SCN9A: variants seen among roughly 807,000 people sequenced by gnomAD.
SCN9A encodes sodium voltage-gated channel alpha subunit 9.
In SCN9A, 131 loss-of-function variants were observed where a neutral mutation model predicts 187.0. The observed-to-expected ratio is 0.70, with a 90% CI of 0.61 to 0.81. SCN9A has a LOEUF of 0.81. Among genes scored for constraint, SCN9A ranks in the 30% least tolerant of loss-of-function variants. The pLI is 0.00. For synonymous variants in SCN9A, 809 were observed against 808.6 expected (o/e 1.00, Z -0.01); for missense variants, 2,252 against 2,396.6 (o/e 0.94, Z 1.26).
intron 11 of SCN9A, 39 bp from the exon 12 acceptor site, chr2:166,284,863 C>G (rs1697668002): frequency 2.0e-6 from 3 of 1,532,700 alleles, no homozygotes; most frequent in Non-Finnish European, 2.6e-6. Flanking sequence ...GCTGAAGCAC[C>G]TACTGATAGA....
At chr2:166,230,719 C>A (rs1695046485) in intron 21 of SCN9A, among the ~76,000 whole-genome samples, 1 of 152,172 alleles carries the variant, frequency 6.6e-6, no homozygotes, top group Non-Finnish European at 1.5e-5. Context: ...TCTCTTGTAA[C>A]CATTGACCCT....
At chr2:166,281,937 G>A in intron 12 of SCN9A, 129 bp from the exon 13 acceptor site, 1 of 754,070 alleles carries the variant, frequency 1.3e-6, no homozygotes, top group Non-Finnish European at 2.0e-6. Context: ...TTCAAATTAT[G>A]GCTCTGCTAC....
intron 2 of SCN9A, among the ~76,000 whole-genome samples, chr2:166,309,655 C>T (rs1003802217): frequency 6.6e-6 from 1 of 150,888 alleles, no homozygotes; most frequent in Non-Finnish European, 1.5e-5. Context: ...GAATCAATAT[C>T]GTGAAAATGG....
At chr2:166,361,452 CA>C in intron 1 of SCN9A, among the ~76,000 whole-genome samples, 1 of 152,052 alleles carries the variant, frequency 6.6e-6, no homozygotes, top group East Asian at 1.9e-4. Flanking sequence ...ATATATGCCA[CA>C]CACAGCCATT....
chr2:166,271,897 A>G lies in SCN9A; in HGVS notation c.3351+502T>C, dbSNP rs941944767. Reference sequence around the variant, plus strand: ...AGAAGAGAGAGAGAGAGAGAGCGATACTTTGCGGATCATGGATACATCATG... The same window carrying G: ...AGAAGAGAGAGAGAGAGAGAGCGATGCTTTGCGGATCATGGATACATCATG... On this transcript the variant is annotated intron_variant, in intron 17 of 26. Coordinates refer to ENST00000642356, the MANE Select transcript of SCN9A (RefSeq NM_001365536.1). Among the ~76,000 whole-genome samples, 5 of 152,190 alleles carry G rather than the reference A, an allele frequency of 3.3e-5. No individual in the cohort carries two copies. In the South Asian group the frequency reaches 1.0e-3, roughly 32 times the overall value.
At chr2:166,374,489 AAT>A (rs1232636086) in intron 1 of SCN9A, among the ~76,000 whole-genome samples, 1 of 152,204 alleles carries the variant, frequency 6.6e-6, no homozygotes, top group Non-Finnish European at 1.5e-5. Context: ...ATTTTTAAAA[AAT>A]CTCACCATAA....
intron 12 of SCN9A, among the ~76,000 whole-genome samples, chr2:166,283,506 G>C (rs1697586860): frequency 6.6e-6 from 1 of 152,112 alleles, no homozygotes; most frequent in Non-Finnish European, 1.5e-5. Flanking sequence ...TAGTGAGTGG[G>C]CTAAAGAGAT....
At chr2:166,255,593 C>G (rs79043750) in intron 17 of SCN9A, among the ~76,000 whole-genome samples, 1,781 of 151,466 alleles carry the variant, frequency 0.012, 34 homozygotes, top group African/African-American at 0.041. Context: ...AAACACAGAA[C>G]TCAACAAAAA....
intron 6 of SCN9A, 49 bp downstream of exon 6, chr2:166,304,189 A>G: frequency 6.2e-7 from 1 of 1,608,314 alleles, no homozygotes. Context: ...CAACTCCCAA[A>G]TAGTTGGAGT....
At chr2:166,313,028 T>TTA (rs1699012111) in intron 1 of SCN9A, among the ~76,000 whole-genome samples, 4 of 75,190 alleles carry the variant, frequency 5.3e-5, no homozygotes, top group Non-Finnish European at 1.0e-4. Context: ...ATATAGTTAT[T>TTA]ATTTAATTTT....
rs774510851 is a variant in SCN9A at position 166,284,526 on chromosome 2, C to A, written c.1901G>T (p.Arg634Leu). ...CNGVVSLVDG[R>L]SALMLPNGQL... Reference sequence around the variant, plus strand: ...TCCATTGGGGAGCATGAGGGCTGAGCGTCCATCAACCAGGGAGACCACACC... The same window carrying A: ...TCCATTGGGGAGCATGAGGGCTGAGAGTCCATCAACCAGGGAGACCACACC... The change falls in exon 12 of 27, where the codon CGC (arginine) becomes CTC (leucine). Residue 634 changes from arginine to leucine, a missense_variant. Arg to Leu is a moderately radical substitution (Grantham distance 102). This residue lies in a region of SCN9A where 1,013 missense variants were observed against 997.4 expected (regional missense o/e 1.02). Coordinates refer to ENST00000642356, the MANE Select transcript of SCN9A (RefSeq NM_001365536.1). The A allele has an allele frequency of 2.5e-6, 4 of 1,614,058 alleles. No homozygotes were observed. The Admixed American group carries it at 5.0e-5, about 20-fold the overall frequency.
rs1008968308 is a variant in SCN9A at position 166,299,690 on chromosome 2, G to A, written c.901+3400C>T. 1.9e-4 allele frequency among the ~76,000 whole-genome samples: 28 copies of A among 150,852 alleles called. 3 individuals are homozygous for A. Among genetic ancestry groups the A allele is most frequent in the African/African-American group, 6.0e-4 (24 of 40,244 alleles). ...ATCAGGGATGTTCAGAGGTAGAGGT[G>A]TGTGTGTCCTTTCTTTTTGCTGATT... On this transcript the variant is annotated intron_variant, in intron 7 of 26. Transcript: ENST00000642356.
chr2:166,317,260 T>A lies in SCN9A; in HGVS notation c.-50-5454A>T, dbSNP rs186110761. Among the ~76,000 whole-genome samples, 215 of 152,044 alleles carry A rather than the reference T, an allele frequency of 1.4e-3. 1 individual carries two copies. Among genetic ancestry groups the A allele is most frequent in the African/African-American group, 5.1e-3 (210 of 41,572 alleles). On this transcript the variant is annotated intron_variant, in intron 1 of 26. Transcript: ENST00000642356. The stretch of plus-strand genomic sequence containing the variant: ...AAAAATCATTTAAAATTATTTGACC[T>A]AATTTTATATAGTCAATGAAATCAA...
At chr2:166,250,373 C>T (rs1695982129) in intron 18 of SCN9A, among the ~76,000 whole-genome samples, 1 of 152,134 alleles carries the variant, frequency 6.6e-6, no homozygotes, top group African/African-American at 2.4e-5. Context: ...AAGATAGGCA[C>T]TGTGCTAGTA....
chr2:166,252,827 ACT>A (rs1038259541), intron 17 of SCN9A, among the ~76,000 whole-genome samples: 1 of 151,792 alleles, frequency 6.6e-6, no homozygotes, highest in Non-Finnish European at 1.5e-5. Flanking sequence ...CTGTAGCAAA[ACT>A]CTGTCAAATT....
rs1700405612 is a variant in SCN9A at position 166,365,996 on chromosome 2, A to G, written c.-51+9701T>C. Among the ~76,000 whole-genome samples, 3 of 152,304 alleles carry G rather than the reference A, an allele frequency of 2.0e-5. No homozygotes were observed. In the South Asian group the frequency reaches 6.2e-4, roughly 32 times the overall value. On this transcript the variant is annotated intron_variant, in intron 1 of 26. Coordinates refer to ENST00000642356, the MANE Select transcript of SCN9A (RefSeq NM_001365536.1). The stretch of plus-strand genomic sequence containing the variant: ...AATTCCAGGAAGAGTATAAATGCTG[A>G]GAGGAGTGAGGTTGTGAGTTCTTGG...
At chr2:166,286,907 T>A (rs1050264870) in intron 10 of SCN9A, among the ~76,000 whole-genome samples, 1 of 152,164 alleles carries the variant, frequency 6.6e-6, no homozygotes, top group African/African-American at 2.4e-5. Flanking sequence ...TATGTTAAAG[T>A]TTTACAAGGT....
rs1004518714 is a variant in SCN9A at position 166,375,882 on chromosome 2, G to A, written c.-236C>T. 2.6e-5 allele frequency: 4 copies of A among 152,238 alleles called. No individual in the cohort carries two copies. Among genetic ancestry groups the A allele is most frequent in the African/African-American group, 9.6e-5 (4 of 41,460 alleles). The allele number at this position is 152,238 out of a possible 1,614,324, so 9.4% of individuals were successfully genotyped here. A position where few individuals can be genotyped will look rare whatever the true frequency, so the allele number is the denominator to read the frequency against. On this transcript the variant is annotated 5_prime_UTR_variant, in exon 1 of 27. Coordinates refer to ENST00000642356, the MANE Select transcript of SCN9A (RefSeq NM_001365536.1). ...CCCAGGCTAGCCCAGCCTCAGCCGA[G>A]CTGGCGGAATTGGAAAGCCGACAGC...
chr2:166,369,071 T>A (rs1437196619), intron 1 of SCN9A, among the ~76,000 whole-genome samples: 1 of 152,010 alleles, frequency 6.6e-6, no homozygotes. Flanking sequence ...TCTACTCATA[T>A]CTACTTATCA....
Sources: gnomAD v4.1 joint callset for allele counts (sites outside exome capture counted in the v4.1 genomes callset) on GRCh38, gnomAD v4.1.1 for gene constraint, gnomAD v4.1.1 regional missense constraint, MANE v1.5 for transcripts, NCBI Gene and HGNC (gene_info 2026-07-23, HGNC 2026-07-21) for gene names.